Variants in TMEM216 observed in about 807,000 individuals in gnomAD.
TMEM216 encodes the protein cerebello-oculo-renal syndrome 2.
Under a neutral mutation model 17.8 loss-of-function variants are expected in TMEM216, and 15 were observed. The ratio of observed to expected loss-of-function variants is 0.84; its 90% CI spans 0.56 to 1.30. The LOEUF is 1.30. Ranked by LOEUF, TMEM216 falls within the 50% of genes most tolerant of loss-of-function variation. The pLI is 0.00. For synonymous variants in TMEM216, 58 were observed against 73.5 expected, an observed-to-expected ratio of 0.79 and a Z score of 1.08; for missense variants, 160 against 175.7, an observed-to-expected ratio of 0.91 and a Z score of 0.51.
chr11:61,392,999 A>C, intron 1 of TMEM216: 1 of 627,758 alleles, frequency 1.6e-6, no homozygotes, highest in Non-Finnish European at 2.0e-6. Context: ...CTTGACTTTT[A>C]TTCCTGAAGC....
At chr11:61,394,560 G>A (rs1055261317) in intron 3 of TMEM216, among the ~76,000 whole-genome samples, 2 of 151,152 alleles carry the variant, frequency 1.3e-5, no homozygotes, top group Non-Finnish European at 2.9e-5. Flanking sequence ...ATAGAGACGG[G>A]GTTTCACCAT....
chr11:61,395,722 G>A (rs1207967846), intron 3 of TMEM216, among the ~76,000 whole-genome samples: 7 of 142,228 alleles, frequency 4.9e-5, no homozygotes, highest in Non-Finnish European at 8.9e-5. Flanking sequence ...GCGACAAAGT[G>A]AGACTCAAAA....
intron 3 of TMEM216, among the ~76,000 whole-genome samples, chr11:61,394,874 C>G (rs1224959055): frequency 6.6e-6 from 1 of 152,050 alleles, no homozygotes; most frequent in Non-Finnish European, 1.5e-5. Context: ...ACCATGTTGG[C>G]TAGGATGGTC....
Position 61,398,366 on chromosome 11 carries a change from A to G in TMEM216, c.*90A>G. On this transcript the variant is annotated 3_prime_UTR_variant, in exon 5 of 5. Coordinates refer to ENST00000515837, the MANE Select transcript of TMEM216 (RefSeq NM_001173990.3). ...CCACACCAGTGAGAATTGGTGGGGC[A>G]AGTTGTCCTGAGAAAGGCTGTGTGG... is the stretch of plus-strand genomic sequence containing the variant. 7.0e-7 allele frequency: 1 copy of G among 1,430,334 alleles called. No homozygotes were observed. Among genetic ancestry groups the G allele is most frequent in the Non-Finnish European group, 9.7e-7 (1 of 1,032,660 alleles). The allele number at this position is 1,430,334 out of a possible 1,614,324, so 88.6% of individuals were successfully genotyped here. A position where few individuals can be genotyped will look rare whatever the true frequency, so the allele number is the denominator to read the frequency against.
intron 3 of TMEM216, among the ~76,000 whole-genome samples, chr11:61,396,959 T>C (rs1396733135): frequency 1.3e-5 from 2 of 150,398 alleles, no homozygotes; most frequent in Non-Finnish European, 3.0e-5. Context: ...AAGGTAGCTA[T>C]GTGTGTGGAA....
Position 61,397,897 on chromosome 11 carries a change from C to CCAT in TMEM216, c.357_359dup (p.Ile119dup), listed in dbSNP as rs755883450. 8 of 1,614,046 alleles carry CCAT rather than the reference C, an allele frequency of 5.0e-6. No homozygotes were observed. In the East Asian group the frequency reaches 1.8e-4, roughly 36 times the overall value. ...CAGACCTACGTACTCCGCCTGGAAG[C>CCAT]CATCATGAATGGCATCTTGCTCTTC... On this transcript the variant is annotated inframe_insertion, in exon 4 of 5. Transcript: ENST00000515837.
intron 1 of TMEM216, 87 bp from the exon 2 acceptor site, chr11:61,393,144 A>C (rs1323559464): frequency 5.9e-6 from 6 of 1,021,536 alleles, no homozygotes; most frequent in Non-Finnish European, 8.3e-6. Context: ...TGCAGCGTCT[A>C]GTTTCCCCAA....
chr11:61,398,136 TC>T lies in TMEM216; in HGVS notation c.432-133del, dbSNP rs896254597. 2.8e-6 allele frequency: 4 copies of T among 1,408,414 alleles called. No homozygotes were observed. The African/African-American group carries it at 5.6e-5, about 20-fold the overall frequency. The allele number at this position is 1,408,414 out of a possible 1,614,324, so 87.2% of individuals were successfully genotyped here. ...GCCTTTCCTGTTTAGGGTAGGTAGA[TC>T]GTTTCCCACTCAGGGAAGATACTCT... is the stretch of plus-strand genomic sequence containing the variant. On this transcript the variant is annotated intron_variant, in intron 4 of 4. Coordinates refer to ENST00000515837, the MANE Select transcript of TMEM216 (RefSeq NM_001173990.3).
At chr11:61,396,277 G>A (rs897778308) in intron 3 of TMEM216, among the ~76,000 whole-genome samples, 1 of 151,080 alleles carries the variant, frequency 6.6e-6, no homozygotes, top group Non-Finnish European at 1.5e-5. Context: ...TCAGGAGATC[G>A]AGACCATCCT....
chr11:61,397,722 G>A, intron 3 of TMEM216, 52 bp from the exon 4 acceptor site: 1 of 1,553,328 alleles, frequency 6.4e-7, no homozygotes, highest in Non-Finnish European at 8.8e-7. Context: ...CTTTCCCCTG[G>A]GCCAGGAAAA....
intron 3 of TMEM216, among the ~76,000 whole-genome samples, chr11:61,394,812 G>A (rs530637937): frequency 2.4e-4 from 36 of 151,946 alleles, no homozygotes; most frequent in Admixed American, 1.8e-3. Flanking sequence ...GACTGCAGGC[G>A]CCTGCCACCA....
In TMEM216 at chr11:61,398,477, A is replaced by G. The variant is rs1858851686; in HGVS notation, c.*201A>G. ...TCTAAACCAGGACCATCAGCCCAAG[A>G]GACTCTTCTACACTCCAGTATAGGG... On this transcript the variant is annotated 3_prime_UTR_variant, in exon 5 of 5. Transcript: ENST00000515837. 1.6e-6 allele frequency: 1 copy of G among 614,048 alleles called. No individual in the cohort carries two copies. The highest frequency in any genetic ancestry group is 1.8e-5 in the African/African-American group (1 of 54,396). The allele number at this position is 614,048 out of a possible 1,614,324, so 38.0% of individuals were successfully genotyped here.
intron 4 of TMEM216, 78 bp from the exon 5 acceptor site, chr11:61,398,192 A>T: frequency 6.4e-7 from 1 of 1,567,588 alleles, no homozygotes; most frequent in Non-Finnish European, 8.7e-7. Flanking sequence ...GAGGCTTGGA[A>T]TATAGAACAG....
chr11:61,394,024 T>C (rs1311738416), intron 3 of TMEM216, 48 bp downstream of exon 3: 3 of 1,536,230 alleles, frequency 2.0e-6, no homozygotes, highest in Non-Finnish European at 2.7e-6. Context: ...GACAAGCTGG[T>C]ATCTGTAACT....
At chr11:61,392,916 C>G (rs553564319) in intron 1 of TMEM216, 2 of 979,214 alleles carry the variant, frequency 2.0e-6, no homozygotes, top group South Asian at 9.4e-5. Context: ...CTGTTGGTCT[C>G]TGCGCCCCAA....
At position 61,392,608 on chromosome 11, in the gene TMEM216, C is replaced by G. The variant is rs59493015; in HGVS notation, c.-24C>G. ...CCCTGTTTCCGGCAGCGCCGCGCTG[C>G]TCCGGGAGCCGCTGTGGCAGCGTAT... On this transcript the variant is annotated 5_prime_UTR_variant, in exon 1 of 5. Coordinates refer to ENST00000515837, the MANE Select transcript of TMEM216 (RefSeq NM_001173990.3). The G allele has an allele frequency of 2.1e-3, 3,235 of 1,535,420 alleles. 74 individuals are homozygous for G. The African/African-American group carries it at 0.038, about 18-fold the overall frequency.
intron 3 of TMEM216, among the ~76,000 whole-genome samples, chr11:61,397,548 G>A (rs773195044): frequency 6.6e-6 from 1 of 152,074 alleles, no homozygotes; most frequent in Non-Finnish European, 1.5e-5. Flanking sequence ...ATTGTCCCTT[G>A]AGTGGGAACC....
At chr11:61,397,462 C>T (rs1468609552) in intron 3 of TMEM216, among the ~76,000 whole-genome samples, 5 of 151,838 alleles carry the variant, frequency 3.3e-5, no homozygotes, top group Non-Finnish European at 5.9e-5. Context: ...CCACTGCACC[C>T]GGCCATTGAA....
intron 4 of TMEM216, 142 bp from the exon 5 acceptor site, chr11:61,398,128 T>C (rs1858842410): frequency 7.2e-7 from 1 of 1,396,344 alleles, no homozygotes; most frequent in Middle Eastern, 1.8e-4. Flanking sequence ...CTGTTTAGGG[T>C]AGGTAGATCG....
Sources: gnomAD v4.1 joint callset for allele counts (sites outside exome capture counted in the v4.1 genomes callset) on GRCh38, gnomAD v4.1.1 for gene constraint, MANE v1.5 for transcripts, NCBI Gene and HGNC (gene_info 2026-07-23, HGNC 2026-07-21) for gene names.